ATP9A: variants seen among roughly 807,000 people sequenced by gnomAD.
ATP9A encodes the protein ATPase phospholipid transporting 9A.
In ATP9A, 52 loss-of-function variants were observed where a neutral mutation model predicts 144.1. The ratio of observed to expected loss-of-function variants is 0.36; its 90% CI spans 0.29 to 0.45. The LOEUF (loss-of-function observed/expected upper bound fraction) is 0.45, where lower values mean the gene tolerates loss of function less well. Among genes scored for constraint, ATP9A ranks in the 20% least tolerant of loss-of-function variants. ATP9A has a pLI of 1.00. For synonymous variants in ATP9A, 582 were observed against 557.4 expected, an observed-to-expected ratio of 1.04 and a Z score of -0.62; for missense variants, 947 against 1,392.7, an observed-to-expected ratio of 0.68 and a Z score of 5.09.
chr20:51,605,731 G>T (rs1468297810), intron 26 of ATP9A, among the ~76,000 whole-genome samples: 1 of 151,876 alleles, frequency 6.6e-6, no homozygotes, highest in East Asian at 1.9e-4. Context: ...TAGCCACCAT[G>T]GCGAAACCCT....
At chr20:51,757,819 T>C (rs115734541) in intron 1 of ATP9A, among the ~76,000 whole-genome samples, 1,749 of 152,092 alleles carry the variant, frequency 0.011, 33 homozygotes, top group African/African-American at 0.038. Flanking sequence ...AGCGGTAGGA[T>C]TGTTTGAACC....
rs1478552437 is a variant in ATP9A, at chr20:51,604,973, C to T, written c.2851G>A (p.Val951Met). 7 of 1,612,774 alleles carry T rather than the reference C, an allele frequency of 4.3e-6. No individual in the cohort carries two copies. Among genetic ancestry groups the T allele is most frequent in the Admixed American group, 1.7e-5 (1 of 59,918 alleles). Residue 951 changes from valine to methionine, a missense_variant, in exon 27 of 28, where the codon GTG becomes ATG. By Grantham distance (21) the Val-to-Met change is conservative. Around this residue, in one of 2 missense-constraint regions of ATP9A, gnomAD observed 177 missense variants for 344.9 expected, o/e 0.51. Transcript: ENST00000338821. ...GTGAAGGAGATGGCCACGATGTGCA[C>T]GAACTCCGACTCAAACAGCAGCAGC... ...GALLLFESEF[V>M]HIVAISFTSL...
intron 1 of ATP9A, among the ~76,000 whole-genome samples, chr20:51,755,575 G>A (rs943908716): frequency 6.6e-6 from 1 of 152,158 alleles, no homozygotes; most frequent in African/African-American, 2.4e-5. Context: ...TAGTACAATT[G>A]CTTTGGAAAA....
chr20:51,682,266 A>G (rs2077502987), intron 9 of ATP9A, among the ~76,000 whole-genome samples: 1 of 152,156 alleles, frequency 6.6e-6, no homozygotes, highest in African/African-American at 2.4e-5. Context: ...AAAAAAATAT[A>G]AATCCACCAA....
intron 14 of ATP9A, among the ~76,000 whole-genome samples, chr20:51,647,890 G>A (rs1253963509): frequency 6.6e-6 from 1 of 152,168 alleles, no homozygotes; most frequent in Non-Finnish European, 1.5e-5. Context: ...GTAAAACACT[G>A]TCCAGCCCTG....
intron 21 of ATP9A, among the ~76,000 whole-genome samples, chr20:51,618,371 T>C (rs970679613): frequency 5.3e-5 from 8 of 151,950 alleles, no homozygotes; most frequent in Non-Finnish European, 1.0e-4. Flanking sequence ...GTGGAAAGAT[T>C]TGAACCCAGA....
At chr20:51,651,311 TATATTATATAATATATATTTACATA>T (rs1156533048) in intron 14 of ATP9A, among the ~76,000 whole-genome samples, 60 of 130,592 alleles carry the variant, frequency 4.6e-4, no homozygotes, top group South Asian at 8.5e-4. Context: ...ATTTACATAA[TATATTATATAATATATATTTACATA>T]ATATATTATA....
At chr20:51,694,208 C>CA in intron 6 of ATP9A, 106 bp from the exon 7 acceptor site, 1 of 749,484 alleles carries the variant, frequency 1.3e-6, no homozygotes, top group Admixed American at 2.6e-5. Context: ...AACCAATGGC[C>CA]AGCGACCACA....
At chr20:51,632,938 C>G (rs1226022396) in intron 15 of ATP9A, among the ~76,000 whole-genome samples, 1 of 152,062 alleles carries the variant, frequency 6.6e-6, no homozygotes, top group Non-Finnish European at 1.5e-5. Flanking sequence ...GCCTGCCCAA[C>G]ATGGTGAAAC....
intron 4 of ATP9A, 117 bp from the exon 5 acceptor site, chr20:51,697,599 C>T: frequency 3.5e-6 from 3 of 865,950 alleles, no homozygotes; most frequent in Non-Finnish European, 5.5e-6. Context: ...CGCTCCCACA[C>T]ACAGCTGCCA....
chr20:51,676,917 CTTTTTTTTTTTT>C (rs34062000), intron 9 of ATP9A, among the ~76,000 whole-genome samples: 2 of 68,426 alleles, frequency 2.9e-5, no homozygotes, highest in South Asian at 6.2e-4. Context: ...CGCCCAGTCT[CTTTTTTTTTTTT>C]TTTTTTTTTT....
At chr20:51,730,530 T>G (rs8125431) in intron 1 of ATP9A, among the ~76,000 whole-genome samples, 1 of 152,194 alleles carries the variant, frequency 6.6e-6, no homozygotes, top group East Asian at 1.9e-4. Flanking sequence ...ATTTACAGTC[T>G]TGCATTGTTA....
chr20:51,754,738 C>T (rs1007942012), intron 1 of ATP9A, among the ~76,000 whole-genome samples: 2 of 152,104 alleles, frequency 1.3e-5, no homozygotes, highest in African/African-American at 2.4e-5. Context: ...ATTGCTTGAA[C>T]CCAGAAGGCA....
chr20:51,631,739 A>G (rs1372825176), intron 15 of ATP9A, among the ~76,000 whole-genome samples: 2 of 152,214 alleles, frequency 1.3e-5, no homozygotes, highest in Non-Finnish European at 2.9e-5. Flanking sequence ...CAGCGCTACG[A>G]TGATCTACAG....
At chr20:51,633,458 T>G (rs2077277920) in intron 15 of ATP9A, among the ~76,000 whole-genome samples, 1 of 152,018 alleles carries the variant, frequency 6.6e-6, no homozygotes. Context: ...AAAATGGAGA[T>G]GAACTGGTCA....
intron 1 of ATP9A, among the ~76,000 whole-genome samples, chr20:51,733,662 T>C (rs966058278): frequency 2.1e-5 from 3 of 145,354 alleles, no homozygotes; most frequent in Non-Finnish European, 3.0e-5. Context: ...CGTGAGCCAC[T>C]GTACCTGGCC....
At chr20:51,615,965 C>T (rs1478887603) in intron 22 of ATP9A, among the ~76,000 whole-genome samples, 1 of 152,086 alleles carries the variant, frequency 6.6e-6, no homozygotes, top group Non-Finnish European at 1.5e-5. Context: ...ATAGTGAGCA[C>T]TATTTTATAT....
chr20:51,710,315 A>G lies in ATP9A; in HGVS notation c.436+2651T>C, dbSNP rs533911271. On this transcript the variant is annotated intron_variant, in intron 4 of 27. Coordinates refer to ENST00000338821, the MANE Select transcript of ATP9A (RefSeq NM_006045.3). ...CGAAACTCCGTCTAAAAAAAAAGAA[A>G]AAAACTTCATGTGATAGAAAGAAAA... 3.9e-5 allele frequency among the ~76,000 whole-genome samples: 6 copies of G among 152,338 alleles called. No individual in the cohort carries two copies. In the South Asian group the frequency reaches 1.2e-3, roughly 32 times the overall value.
At chr20:51,744,056 C>T (rs1209639274) in intron 1 of ATP9A, among the ~76,000 whole-genome samples, 1 of 151,728 alleles carries the variant, frequency 6.6e-6, no homozygotes. Flanking sequence ...TATGAAATAA[C>T]TTTCTCACCC....
Sources: allele counts gnomAD v4.1 joint callset (sites outside exome capture counted in the v4.1 genomes callset), GRCh38; gene constraint gnomAD v4.1.1; regional missense constraint gnomAD v4.1.1; transcripts MANE v1.5; gene names NCBI Gene and HGNC (gene_info 2026-07-23, HGNC 2026-07-21).